Variants in COL11A2 observed in about 807,000 individuals in gnomAD.
The protein encoded by COL11A2 is collagen alpha-2(XI) chain.
Under a neutral mutation model 273.4 loss-of-function variants are expected in COL11A2, and 116 were observed. That is an observed-to-expected ratio of 0.42 (90% CI 0.36 to 0.49). The LOEUF is 0.49. Ranked by LOEUF, COL11A2 falls within the 20% of genes least tolerant of loss-of-function variation. The pLI, the probability that COL11A2 is intolerant of heterozygous loss-of-function variation, is 0.00. For missense variants in COL11A2, 1,866 were observed against 2,309.0 expected (o/e 0.81, Z 3.93); for synonymous variants, 782 against 864.2 (o/e 0.90, Z 1.67).
Position 33,163,735 on chromosome 6 carries a change from C to G in COL11A2, c.5154G>C (p.Leu1718=). The G allele has an allele frequency of 6.2e-7, 1 of 1,613,076 alleles. No homozygotes were observed. The highest frequency in any genetic ancestry group is 8.5e-7 in the Non-Finnish European group (1 of 1,180,020). ...CCCCTCCCCGCCTCGGTGGGGCTCC[C>G]AGGTCTGAGAAGGAGGCATCCAGCA... ...LPVLDASFSD[L]GAPPRRGGVL... The change falls in exon 66 of 66, where the codon CTG becomes CTC. Residue 1718 remains leucine (L), a synonymous_variant. Coordinates refer to ENST00000341947, the MANE Select transcript of COL11A2 (RefSeq NM_080680.3). The surrounding 1 kb of genome is among the most constrained non-coding windows in gnomAD (Gnocchi z 4.1).
chr6:33,178,717 C>T lies in COL11A2; in HGVS notation c.1681G>A (p.Asp561Asn), dbSNP rs1238092307. ...DPGVKGDRGF[D>N]GLPGLPGEKG... Reference sequence around the variant, plus strand: ...TCTCCAGGGAGCCCTGGGAGTCCATCAAAACCTCGGTCACCCTAGGAGGAG... The same window carrying T: ...TCTCCAGGGAGCCCTGGGAGTCCATTAAAACCTCGGTCACCCTAGGAGGAG... The change falls in exon 18 of 66, where the codon GAT becomes AAT. Residue 561 changes from aspartate (D) to asparagine (N), a missense_variant. Asp to Asn is a conservative substitution (Grantham distance 23, BLOSUM62 1). Transcript: ENST00000341947. This position sits in a 1 kb window ranked among gnomAD's most constrained non-coding sequence, Gnocchi z 4.6. 13 of 1,612,644 alleles carry T rather than the reference C, an allele frequency of 8.1e-6. No homozygotes were observed. Among genetic ancestry groups the T allele is most frequent in the Non-Finnish European group, 1.1e-5 (13 of 1,179,834 alleles).
Position 33,192,314 on chromosome 6 carries a change from A to T in COL11A2, c.-74T>A, listed in dbSNP as rs1235043189. On this transcript the variant is annotated 5_prime_UTR_variant, in exon 1 of 66. Transcript: ENST00000341947. ...ACGCTGGATGCCCTGAGGCTGACAG[A>T]AGACAGGGAGCAGACTATGAGCCTC... The T allele has an allele frequency of 7.2e-7, 1 of 1,397,474 alleles. No individual in the cohort carries two copies. The highest frequency in any genetic ancestry group is 2.5e-5 in the East Asian group (1 of 40,254). The allele number at this position is 1,397,474 out of a possible 1,614,324, so 86.6% of individuals were successfully genotyped here.
At position 33,170,891 on chromosome 6, in the gene COL11A2, C is replaced by T. The variant is rs758067418; in HGVS notation, c.3393G>A (p.Arg1131=). Residue 1131 remains arginine (R), a synonymous_variant, in exon 46 of 66, where the codon CGG becomes CGA. Coordinates refer to ENST00000341947, the MANE Select transcript of COL11A2 (RefSeq NM_080680.3). The surrounding 1 kb of genome is among the most constrained non-coding windows in gnomAD (Gnocchi z 4.3). ...AAGADGEPGA[R]GPQGHFGAKG... is the part of the protein sequence containing the mutation. ...TGGCTCCAAAGTGTCCCTGGGGTCC[C>T]CGAGCTCCGGGCTCCCCATCTGCTC... 2.1e-5 allele frequency: 34 copies of T among 1,612,964 alleles called. No homozygotes were observed. Among genetic ancestry groups the T allele is most frequent in the Non-Finnish European group, 2.9e-5 (34 of 1,179,978 alleles).
At position 33,163,737 on chromosome 6, in the gene COL11A2, G is replaced by C. The variant is rs1413052565; in HGVS notation, c.5152C>G (p.Leu1718Val). ...LPVLDASFSD[L>V]GAPPRRGGVL... ...CCTCCCCGCCTCGGTGGGGCTCCCAGGTCTGAGAAGGAGGCATCCAGCACT... is the reference window on the plus strand; with the variant it reads ...CCTCCCCGCCTCGGTGGGGCTCCCACGTCTGAGAAGGAGGCATCCAGCACT... Residue 1718 changes from leucine to valine, a missense_variant, in exon 66 of 66, where the codon CTG becomes GTG. Coordinates refer to ENST00000341947, the MANE Select transcript of COL11A2 (RefSeq NM_080680.3). The surrounding 1 kb of genome is among the most constrained non-coding windows in gnomAD (Gnocchi z 4.1). The C allele has an allele frequency of 1.9e-6, 3 of 1,613,088 alleles. No individual in the cohort carries two copies. The highest frequency in any genetic ancestry group is 2.5e-6 in the Non-Finnish European group (3 of 1,180,028).
In COL11A2 at chr6:33,166,826, C is replaced by G; in HGVS notation, c.4232G>C (p.Gly1411Ala). ...AATCAGTCCAATGAGACCTGGGTGG[C>G]CCTAGAGAAGGGTGCAGGCAGTCAA... ...RGDAGAKGEK[G>A]HPGLIGLIGP... The change falls in exon 59 of 66, where the codon GGC becomes GCC. Residue 1411 changes from glycine to alanine, a missense_variant and splice_region_variant. Gly to Ala is a moderately conservative substitution (Grantham distance 60). Coordinates refer to ENST00000341947, the MANE Select transcript of COL11A2 (RefSeq NM_080680.3). This position sits in a 1 kb window ranked among gnomAD's most constrained non-coding sequence, Gnocchi z 4.8. The G allele has an allele frequency of 6.2e-7, 1 of 1,613,316 alleles. No homozygotes were observed. The highest frequency in any genetic ancestry group is 8.5e-7 in the Non-Finnish European group (1 of 1,179,958).
chr6:33,184,807 T>G (rs550181095), intron 7 of COL11A2, among the ~76,000 whole-genome samples, 185 bp downstream of exon 7: 1 of 152,290 alleles, frequency 6.6e-6, no homozygotes, highest in South Asian at 2.1e-4. Flanking sequence ...GGGAACGGGC[T>G]GGACTTAGAG....
intron 54 of COL11A2, 123 bp downstream of exon 54, chr6:33,168,396 A>C: frequency 9.0e-7 from 1 of 1,106,364 alleles, no homozygotes; most frequent in Non-Finnish European, 1.4e-6. Flanking sequence ...TCCTGCACAC[A>C]CACACACCCA....
Position 33,184,992 on chromosome 6 carries a change from C to G in COL11A2, c.939G>C (p.Glu313Asp), listed in dbSNP as rs886061317. 8 of 1,551,130 alleles carry G rather than the reference C, an allele frequency of 5.2e-6. No individual in the cohort carries two copies. Among genetic ancestry groups the G allele is most frequent in the Non-Finnish European group, 7.0e-6 (8 of 1,146,622 alleles). The change falls in exon 7 of 66, where the codon GAG becomes GAC. Residue 313 changes from glutamate to aspartate, a missense_variant and splice_region_variant. Physicochemically the swap from Glu to Asp is conservative, Grantham distance 45. Coordinates refer to ENST00000341947, the MANE Select transcript of COL11A2 (RefSeq NM_080680.3). ...LESSLLPPLE[E>D]EQTDLQVPPT... Reference sequence around the variant, plus strand: ...GGGTGAGGGTGGGGCATAGAGTTACCTCCTCAAGGGGTGGCAAGAGGCTCG... The same window carrying G: ...GGGTGAGGGTGGGGCATAGAGTTACGTCCTCAAGGGGTGGCAAGAGGCTCG...
intron 38 of COL11A2, among the ~76,000 whole-genome samples, 177 bp downstream of exon 38, chr6:33,172,883 C>A (rs552383229): frequency 6.6e-6 from 1 of 152,128 alleles, no homozygotes; most frequent in Non-Finnish European, 1.5e-5. Flanking sequence ...GATGAGAATG[C>A]GCCCCAAAAC....
chr6:33,169,745 A>G lies in COL11A2; in HGVS notation c.3690+86T>C. 1.3e-6 allele frequency: 2 copies of G among 1,524,362 alleles called. No individual in the cohort carries two copies. Among genetic ancestry groups the G allele is most frequent in the Non-Finnish European group, 1.8e-6 (2 of 1,098,174 alleles). The allele number at this position is 1,524,362 out of a possible 1,614,324, so 94.4% of individuals were successfully genotyped here. On this transcript the variant is annotated intron_variant, in intron 50 of 65. Transcript: ENST00000341947. This position sits in a 1 kb window ranked among gnomAD's most constrained non-coding sequence, Gnocchi z 5.5. ...GAGACTCTTGCTGCAGAGGAGTTCC[A>G]GCTCAAGGAGGTCACAGGAAAAGTG...
Position 33,174,049 on chromosome 6 carries a change from AC to A in COL11A2, c.2490del (p.Ser831ArgfsTer153). ...GASGEKGARG[L>X]SGKSGPRGER... is the part of the protein sequence containing the mutation. The stretch of plus-strand genomic sequence containing the variant: ...TCTCCCCGAGGCCCTGACTTCCCCG[AC>A]AGGCCCTGGTGGGAATGAAGCAGAG... On this transcript the variant is annotated frameshift_variant, in exon 33 of 66. Transcript: ENST00000341947. LOFTEE classifies it high-confidence loss of function. 6.2e-7 allele frequency: 1 copy of A among 1,613,754 alleles called. No individual in the cohort carries two copies. Among genetic ancestry groups the A allele is most frequent in the Non-Finnish European group, 8.5e-7 (1 of 1,179,970 alleles).
rs1771260398 is a variant in COL11A2, at chr6:33,178,609, T to A, written c.1719+70A>T. On this transcript the variant is annotated intron_variant, in intron 18 of 65. Transcript: ENST00000341947. This position sits in a 1 kb window ranked among gnomAD's most constrained non-coding sequence, Gnocchi z 4.6. Reference sequence around the variant, plus strand: ...GCTCCTGCCAAGCCTCCAGCCTCCCTTCCCTACCTATCCTCACTCCCATAG... The same window carrying A: ...GCTCCTGCCAAGCCTCCAGCCTCCCATCCCTACCTATCCTCACTCCCATAG... The A allele has an allele frequency of 6.2e-7, 1 of 1,607,036 alleles. No homozygotes were observed. Among genetic ancestry groups the A allele is most frequent in the Non-Finnish European group, 8.5e-7 (1 of 1,175,158 alleles).
rs1239528631 is a variant in COL11A2 at position 33,177,725 on chromosome 6, G to C, written c.1873-19C>G. The C allele has an allele frequency of 6.2e-7, 1 of 1,612,946 alleles. No individual in the cohort carries two copies. On this transcript the variant is annotated intron_variant, in intron 21 of 65. Transcript: ENST00000341947. This position sits in a 1 kb window ranked among gnomAD's most constrained non-coding sequence, Gnocchi z 5.9. The stretch of plus-strand genomic sequence containing the variant: ...GGACGCCCTGAAACACAAGATGGGT[G>C]TGAGCAGCCTGAAGGTGGCCCGGAG...
chr6:33,175,192 G>A (rs530937771), intron 30 of COL11A2, among the ~76,000 whole-genome samples: 2 of 152,312 alleles, frequency 1.3e-5, no homozygotes, highest in East Asian at 1.9e-4. Context: ...TAGATAGGAC[G>A]CATCAGCACA....
chr6:33,192,919 G>A (rs1233135982), upstream of COL11A2, among the ~76,000 whole-genome samples: 2 of 152,108 alleles, frequency 1.3e-5, no homozygotes, highest in African/African-American at 4.8e-5. Context: ...GAGCCGGGCC[G>A]GGGCGGGGGT....
In COL11A2 at chr6:33,165,248, CAT is replaced by C. The variant is rs1768945115; in HGVS notation, c.4751-286_4751-285del. Among the ~76,000 whole-genome samples the C allele has an allele frequency of 6.6e-6, 1 of 152,176 alleles. No homozygotes were observed. The highest frequency in any genetic ancestry group is 2.4e-5 in the African/African-American group (1 of 41,426). On this transcript the variant is annotated intron_variant, in intron 63 of 65. Coordinates refer to ENST00000341947, the MANE Select transcript of COL11A2 (RefSeq NM_080680.3). This position sits in a 1 kb window ranked among gnomAD's most constrained non-coding sequence, Gnocchi z 7.7. ...TATGGACAGCCTCATACTGGGACAA[CAT>C]GTGGTTGCAGGCGCTCACACAGATT... is the stretch of plus-strand genomic sequence containing the variant.
Position 33,169,770 on chromosome 6 carries a change from G to A in COL11A2, c.3690+61C>T. Reference sequence around the variant, plus strand: ...AGCTCAAGGAGGTCACAGGAAAAGTGGAGGCAGGGTTGAGGCGGGTGACGG... The same window carrying A: ...AGCTCAAGGAGGTCACAGGAAAAGTAGAGGCAGGGTTGAGGCGGGTGACGG... On this transcript the variant is annotated intron_variant, in intron 50 of 65. Coordinates refer to ENST00000341947, the MANE Select transcript of COL11A2 (RefSeq NM_080680.3). This position sits in a 1 kb window ranked among gnomAD's most constrained non-coding sequence, Gnocchi z 5.5. 1 of 1,601,052 alleles carries A rather than the reference G, an allele frequency of 6.2e-7. No individual in the cohort carries two copies. Among genetic ancestry groups the A allele is most frequent in the Non-Finnish European group, 8.6e-7 (1 of 1,168,250 alleles).
chr6:33,180,205 A>T, intron 12 of COL11A2, 53 bp downstream of exon 12: 1 of 1,545,086 alleles, frequency 6.5e-7, no homozygotes, highest in Non-Finnish European at 8.9e-7. Flanking sequence ...GTAACATGAC[A>T]CAATTCCTTG....
intron 8 of COL11A2, among the ~76,000 whole-genome samples, chr6:33,182,040 G>A (rs557431504): frequency 2.8e-4 from 42 of 151,794 alleles, no homozygotes; most frequent in Admixed American, 2.3e-3. Context: ...TTTGGGAGGC[G>A]GAGGCAGGCA....
Sources: allele counts gnomAD v4.1 joint callset (sites outside exome capture counted in the v4.1 genomes callset), GRCh38; gene constraint gnomAD v4.1.1; non-coding constraint Gnocchi (gnomAD v3.1); transcripts MANE v1.5; gene names NCBI Gene and HGNC (gene_info 2026-07-23, HGNC 2026-07-21).